KCND3: variants seen among roughly 807,000 people sequenced by gnomAD.
KCND3 encodes potassium voltage-gated channel subfamily D member 3, also known as A-type voltage-gated potassium channel KCND3.
Under a neutral mutation model 51.1 loss-of-function variants are expected in KCND3, and 9 were observed. The observed-to-expected ratio is 0.18, with a 90% CI of 0.11 to 0.31. The LOEUF (loss-of-function observed/expected upper bound fraction) is 0.31. Ranked by LOEUF, KCND3 falls within the 10% of genes least tolerant of loss-of-function variation. The probability of loss-of-function intolerance (pLI) is 1.00; values close to 1 mark genes in which losing one functional copy is unlikely to be tolerated. For missense variants in KCND3, 526 were observed against 903.8 expected (o/e 0.58, Z 5.36); for synonymous variants, 349 against 368.0 (o/e 0.95, Z 0.59).
rs61088602 is a variant in KCND3 at position 111,940,073 on chromosome 1, G to GTTTTTTTT, written c.1106+41540_1106+41547dup. Among the ~76,000 whole-genome samples, 546 of 85,432 alleles carry GTTTTTTTT rather than the reference G, an allele frequency of 6.4e-3. 7 individuals are homozygous for GTTTTTTTT. Among genetic ancestry groups the GTTTTTTTT allele is most frequent in the South Asian group, 9.3e-3 (19 of 2,054 alleles). The allele number at this position is 85,432 out of a possible 152,430, so 56.0% of individuals were successfully genotyped here. A position where few individuals can be genotyped will look rare whatever the true frequency, so the allele number is the denominator to read the frequency against. ...TATATCCTTCGCCTACTTTTTGATG[G>GTTTTTTTT]TTTTTTTTTTTTTTTTTTTTTTTGT... On this transcript the variant is annotated intron_variant, in intron 2 of 7. Coordinates refer to ENST00000302127, the MANE Select transcript of KCND3 (RefSeq NM_001378969.1).
Position 111,773,436 on chromosome 1 carries a change from T to TA in KCND3, c.*2640_*2641insT, listed in dbSNP as rs1282667507. On this transcript the variant is annotated 3_prime_UTR_variant, in exon 8 of 8. Transcript: ENST00000302127. Reference sequence around the variant, plus strand: ...TTTTTTTTTCTTTTCTTTTTTTTTTTTTTGAGACGGAGTCTTGCTGTGTCA... The same window carrying TA: ...TTTTTTTTTCTTTTCTTTTTTTTTTTATTTGAGACGGAGTCTTGCTGTGTCA... 2.7e-5 allele frequency: 4 copies of TA among 149,690 alleles called. No homozygotes were observed. Among genetic ancestry groups the TA allele is most frequent in the African/African-American group, 9.9e-5 (4 of 40,498 alleles). 9.3% of individuals were successfully genotyped at this position (149,690 alleles called of 1,614,324 possible).
At chr1:111,833,590 A>G in intron 2 of KCND3, among the ~76,000 whole-genome samples, 1 of 152,374 alleles carries the variant, frequency 6.6e-6, no homozygotes, top group Non-Finnish European at 1.5e-5. Flanking sequence ...GATGAGGAAA[A>G]GAGAACAAAT....
chr1:111,900,169 A>G (rs1178223213), intron 2 of KCND3, among the ~76,000 whole-genome samples: 7 of 151,932 alleles, frequency 4.6e-5, no homozygotes, highest in Non-Finnish European at 5.9e-5. Context: ...CCTTCTCCAC[A>G]TCTCTCCCAA....
At chr1:111,779,430 G>A (rs1441732019) in intron 5 of KCND3, among the ~76,000 whole-genome samples, 74 of 152,162 alleles carry the variant, frequency 4.9e-4, no homozygotes, top group Admixed American at 4.8e-3. Context: ...CCTGACTATA[G>A]ACTCTTTGGG....
chr1:111,977,672 T>A (rs1674713146), intron 2 of KCND3, among the ~76,000 whole-genome samples: 1 of 152,186 alleles, frequency 6.6e-6, no homozygotes, highest in Non-Finnish European at 1.5e-5. Flanking sequence ...TCCTTGCGGA[T>A]GCTCGCTTGC....
intron 2 of KCND3, among the ~76,000 whole-genome samples, chr1:111,881,264 G>C (rs756998246): frequency 6.6e-6 from 1 of 152,066 alleles, no homozygotes; most frequent in Non-Finnish European, 1.5e-5. Context: ...GGATTAACTC[G>C]ACATTTGTCA....
chr1:111,854,894 G>C (rs2101674132), intron 2 of KCND3, among the ~76,000 whole-genome samples: 1 of 152,322 alleles, frequency 6.6e-6, no homozygotes, highest in Middle Eastern at 3.4e-3. Context: ...AGGCCTCGCT[G>C]TCTAGTCAGT....
chr1:111,780,863 G>C lies in KCND3; in HGVS notation c.1270-72C>G, dbSNP rs1664352950. Reference sequence around the variant, plus strand: ...AAAAGACAGCAAGGCTGGTGAAGCTGTGAGGCTGGCTTCCCAGGTGACACC... The same window carrying C: ...AAAAGACAGCAAGGCTGGTGAAGCTCTGAGGCTGGCTTCCCAGGTGACACC... On this transcript the variant is annotated intron_variant, in intron 3 of 7. Transcript: ENST00000302127. The surrounding 1 kb of genome is among the most constrained non-coding windows in gnomAD (Gnocchi z 4.2). 7 of 1,342,816 alleles carry C rather than the reference G, an allele frequency of 5.2e-6. No individual in the cohort carries two copies. The highest frequency in any genetic ancestry group is 6.3e-6 in the Non-Finnish European group (6 of 957,734). The allele number at this position is 1,342,816 out of a possible 1,614,324, so 83.2% of individuals were successfully genotyped here.
At chr1:111,978,355 G>A (rs1674758448) in intron 2 of KCND3, among the ~76,000 whole-genome samples, 1 of 152,232 alleles carries the variant, frequency 6.6e-6, no homozygotes, top group Admixed American at 6.5e-5. Flanking sequence ...ACCAGGGAAG[G>A]GAGTGTCTGG....
Position 111,776,114 on chromosome 1 carries a change from G to A in KCND3, c.1931C>T (p.Ser644Phe). The change falls in exon 8 of 8, where the codon TCC (serine) becomes TTC (phenylalanine). Residue 644 changes from serine to phenylalanine, a missense_variant. Ser to Phe is a radical substitution (Grantham distance 155, BLOSUM62 -2). Transcript: ENST00000302127. ...ASPGPNTNIP[S>F]IASNVVKVSA... ...GACCTTGACAACATTGCTGGCTATG[G>A]AAGGAATGTTCGTGTTGGGGCCTGG... The A allele has an allele frequency of 6.2e-7, 1 of 1,614,228 alleles. No homozygotes were observed. The highest frequency in any genetic ancestry group is 1.7e-5 in the Admixed American group (1 of 60,030).
At chr1:111,789,992 A>G (rs1457751396) in intron 2 of KCND3, among the ~76,000 whole-genome samples, 2 of 152,216 alleles carry the variant, frequency 1.3e-5, no homozygotes, top group Non-Finnish European at 2.9e-5. Flanking sequence ...ATGCCAGCAA[A>G]GGAAGTTCAT....
chr1:111,975,098 T>C (rs931446005), intron 2 of KCND3, among the ~76,000 whole-genome samples: 1 of 152,216 alleles, frequency 6.6e-6, no homozygotes, highest in Non-Finnish European at 1.5e-5. Flanking sequence ...GTCCTCCTCA[T>C]GGCAGGGATA....
chr1:111,795,216 G>A (rs958636136), intron 2 of KCND3, among the ~76,000 whole-genome samples: 5 of 152,088 alleles, frequency 3.3e-5, no homozygotes, highest in Non-Finnish European at 7.4e-5. Context: ...ACTTCTGCTC[G>A]TGTCTCTGCA....
chr1:111,910,914 ATT>A (rs1670913974), intron 2 of KCND3: 2 of 152,236 alleles, frequency 1.3e-5, no homozygotes, highest in East Asian at 3.8e-4. Flanking sequence ...AATATGCAAA[ATT>A]ATGCAGATGT....
At chr1:111,804,205 C>T (rs1346222944) in intron 2 of KCND3, among the ~76,000 whole-genome samples, 4 of 152,228 alleles carry the variant, frequency 2.6e-5, no homozygotes, top group Non-Finnish European at 5.9e-5. Flanking sequence ...ATGCTATGGC[C>T]AGGGACTCTG....
rs113699581 is a variant in KCND3 at position 111,957,143 on chromosome 1, G to C, written c.1106+24478C>G. On this transcript the variant is annotated intron_variant, in intron 2 of 7. Transcript: ENST00000302127. The stretch of plus-strand genomic sequence containing the variant: ...TTTTTATACTGGTGGAAAAGCACCA[G>C]GTAGAACACTCTGTCTCCCCTCTAG... Among the ~76,000 whole-genome samples the C allele has an allele frequency of 1.5e-3, 221 of 152,284 alleles. 1 individual carries two copies. The highest frequency in any genetic ancestry group is 5.2e-3 in the African/African-American group (216 of 41,560).
rs2275793 is a variant in KCND3, at chr1:111,910,613, C to T, written c.1106+71008G>A. Among the ~76,000 whole-genome samples, 3 of 152,316 alleles carry T rather than the reference C, an allele frequency of 2.0e-5. No individual in the cohort carries two copies. The East Asian group carries it at 5.8e-4, about 29-fold the overall frequency. On this transcript the variant is annotated intron_variant, in intron 2 of 7. Coordinates refer to ENST00000302127, the MANE Select transcript of KCND3 (RefSeq NM_001378969.1). ...CTGAAATCTTCCCGAGAAGCAACAC[C>T]AACCTCCACCCCCTTCACTTTCTCC...
At chr1:111,820,354 T>C (rs562995898) in intron 2 of KCND3, among the ~76,000 whole-genome samples, 2 of 152,264 alleles carry the variant, frequency 1.3e-5, no homozygotes, top group African/African-American at 4.8e-5. Flanking sequence ...TCTGATGGAG[T>C]CTTGCTCTAG....
chr1:111,917,048 T>C (rs1005222551), intron 2 of KCND3, among the ~76,000 whole-genome samples: 24 of 152,336 alleles, frequency 1.6e-4, no homozygotes, highest in African/African-American at 5.1e-4. Flanking sequence ...AGAACGCCCA[T>C]ATGATCATCT....
Sources: gnomAD v4.1 joint callset for allele counts (sites outside exome capture counted in the v4.1 genomes callset) on GRCh38, gnomAD v4.1.1 for gene constraint, Gnocchi (gnomAD v3.1) non-coding constraint, MANE v1.5 for transcripts, NCBI Gene and HGNC (gene_info 2026-07-23, HGNC 2026-07-21) for gene names.